DNAI4: variants seen among roughly 807,000 people sequenced by gnomAD.
The protein encoded by DNAI4 is WD repeat domain 78.
DNAI4 carries 85 observed loss-of-function variants against 105.8 expected under a neutral mutation model. That is an observed-to-expected ratio of 0.80 (90% CI 0.67 to 0.96). DNAI4 has a LOEUF of 0.96. Among genes scored for constraint, DNAI4 ranks in the 40% least tolerant of loss-of-function variants. The pLI is 0.00. For missense variants in DNAI4, 1,014 were observed against 1,005.6 expected, an observed-to-expected ratio of 1.01 and a Z score of -0.11; for synonymous variants, 352 against 331.5, an observed-to-expected ratio of 1.06 and a Z score of -0.67.
intron 13 of DNAI4, among the ~76,000 whole-genome samples, chr1:66,832,259 A>G (rs1280596541): frequency 6.6e-6 from 1 of 152,234 alleles, no homozygotes; most frequent in East Asian, 1.9e-4. Context: ...GAACTACATT[A>G]GCAATAGCAG....
chr1:66,857,077 A>T (rs551342582), intron 7 of DNAI4, among the ~76,000 whole-genome samples: 1 of 152,096 alleles, frequency 6.6e-6, no homozygotes, highest in Non-Finnish European at 1.5e-5. Flanking sequence ...ATTTTTAGCC[A>T]GGCTAACCAA....
At chr1:66,822,547 A>G in intron 15 of DNAI4, 30 bp from the exon 16 acceptor site, 1 of 1,517,538 alleles carries the variant, frequency 6.6e-7, no homozygotes, top group Non-Finnish European at 8.8e-7. Context: ...TTGTAAATTC[A>G]ATTGTTATAT....
chr1:66,847,758 T>C, intron 7 of DNAI4, 80 bp from the exon 8 acceptor site: 1 of 1,148,434 alleles, frequency 8.7e-7, no homozygotes, highest in East Asian at 2.5e-5. Flanking sequence ...AAAATGACAT[T>C]TCATCATTTG....
At chr1:66,894,897 A>G (rs986710713) in intron 2 of DNAI4, among the ~76,000 whole-genome samples, 1 of 152,204 alleles carries the variant, frequency 6.6e-6, no homozygotes, top group East Asian at 1.9e-4. Flanking sequence ...TAGCATTTAC[A>G]TATAAATTTT....
At chr1:66,908,278 C>T (rs905749048) in intron 1 of DNAI4, among the ~76,000 whole-genome samples, 6 of 152,172 alleles carry the variant, frequency 3.9e-5, no homozygotes, top group Admixed American at 1.3e-4. Flanking sequence ...GGCCTCTGGC[C>T]TCTCTTCTTG....
chr1:66,822,317 T>A, intron 16 of DNAI4, 44 bp downstream of exon 16: 1 of 1,512,136 alleles, frequency 6.6e-7, no homozygotes, highest in Non-Finnish European at 9.0e-7. Flanking sequence ...TATAACTGAA[T>A]AGACTAATAA....
chr1:66,912,795 C>T (rs1160645721), intron 1 of DNAI4, among the ~76,000 whole-genome samples: 4 of 152,124 alleles, frequency 2.6e-5, no homozygotes, highest in Admixed American at 6.5e-5. Context: ...GGATTCTGAA[C>T]GTGGATGCCC....
intron 7 of DNAI4, among the ~76,000 whole-genome samples, chr1:66,854,813 A>G (rs1026693444): frequency 2.0e-5 from 3 of 152,218 alleles, no homozygotes; most frequent in Non-Finnish European, 4.4e-5. Context: ...CAAAATAAAT[A>G]TGTAAATAAA....
At chr1:66,915,414 C>T (rs562466180) in intron 1 of DNAI4, among the ~76,000 whole-genome samples, 72 of 152,288 alleles carry the variant, frequency 4.7e-4, no homozygotes, top group Admixed American at 2.4e-3. Context: ...TTTTCACTGT[C>T]TCAGTTATAA....
intron 9 of DNAI4, among the ~76,000 whole-genome samples, chr1:66,838,266 G>C (rs758132557): frequency 6.6e-5 from 10 of 152,140 alleles, no homozygotes; most frequent in African/African-American, 2.4e-4. Flanking sequence ...AGAAGGAATC[G>C]CAGGTTAAAT....
intron 1 of DNAI4, among the ~76,000 whole-genome samples, chr1:66,913,530 CGTGG>C (rs1649817673): frequency 6.6e-6 from 1 of 152,120 alleles, no homozygotes; most frequent in Non-Finnish European, 1.5e-5. Flanking sequence ...CCTGGGACCT[CGTGG>C]AAGTATCTGG....
At chr1:66,893,105 G>GAAAGAAAGA (rs1647975195) in intron 3 of DNAI4, 124 bp downstream of exon 3, 3 of 466,646 alleles carry the variant, frequency 6.4e-6, no homozygotes, top group Non-Finnish European at 1.1e-5. Flanking sequence ...AAGAAAGAAA[G>GAAAGAAAGA]AAAGAAAGAA....
chr1:66,848,170 A>G, intron 7 of DNAI4: 1 of 456,062 alleles, frequency 2.2e-6, no homozygotes, highest in Non-Finnish European at 4.4e-6. Context: ...TCCTTTCTGA[A>G]GGTTTTAAAG....
intron 2 of DNAI4, among the ~76,000 whole-genome samples, chr1:66,897,239 C>G (rs1431725886): frequency 6.6e-6 from 1 of 152,182 alleles, no homozygotes; most frequent in Non-Finnish European, 1.5e-5. Context: ...GAGTGACAAA[C>G]TAGGATACCT....
chr1:66,893,103 A>AAGAAAGAAAGAG, intron 3 of DNAI4, 126 bp downstream of exon 3: 1 of 461,204 alleles, frequency 2.2e-6, no homozygotes, highest in Admixed American at 3.9e-5. Flanking sequence ...GAAAGAAAGA[A>AAGAAAGAAAGAG]AGAAAGAAAG....
chr1:66,899,545 A>G (rs1329410650), intron 2 of DNAI4, among the ~76,000 whole-genome samples: 1 of 152,136 alleles, frequency 6.6e-6, no homozygotes, highest in African/African-American at 2.4e-5. Flanking sequence ...TTCACTCTGT[A>G]TATGCTTTTG....
chr1:66,830,563 G>A (rs1410380718), intron 13 of DNAI4, among the ~76,000 whole-genome samples: 1 of 152,012 alleles, frequency 6.6e-6, no homozygotes, highest in Non-Finnish European at 1.5e-5. Flanking sequence ...GATCACTTGA[G>A]GTCAGGAGTT....
chr1:66,814,694 A>G (rs1371683776), intron 16 of DNAI4, among the ~76,000 whole-genome samples: 1 of 152,160 alleles, frequency 6.6e-6, no homozygotes, highest in Non-Finnish European at 1.5e-5. Context: ...GAATTCCGAT[A>G]AACGATTTTA....
chr1:66,912,087 G>A (rs575785510), intron 1 of DNAI4, among the ~76,000 whole-genome samples: 1 of 152,292 alleles, frequency 6.6e-6, no homozygotes, highest in East Asian at 1.9e-4. Flanking sequence ...GGATCTGCCC[G>A]CCTTGGTCTC....
Sources: gnomAD v4.1 joint callset for allele counts (sites outside exome capture counted in the v4.1 genomes callset) on GRCh38, gnomAD v4.1.1 for gene constraint, MANE v1.5 for transcripts, NCBI Gene and HGNC (gene_info 2026-07-23, HGNC 2026-07-21) for gene names.